Variants in LARP1B observed in about 807,000 individuals in gnomAD.
The protein encoded by LARP1B is la-related protein 1B.
A neutral mutation model predicts 114.2 loss-of-function variants in LARP1B; 76 were observed. That is an observed-to-expected ratio of 0.67 (90% CI 0.55 to 0.81). LARP1B has a LOEUF of 0.81. Among genes scored for constraint, LARP1B ranks in the 30% least tolerant of loss-of-function variants. The pLI, the probability that LARP1B is intolerant of heterozygous loss-of-function variation, is 0.00. For synonymous variants in LARP1B, 345 were observed against 348.0 expected (o/e 0.99, Z 0.10); for missense variants, 1,014 against 1,075.8 (o/e 0.94, Z 0.80).
intron 17 of LARP1B, among the ~76,000 whole-genome samples, chr4:128,201,445 G>C (rs1755903314): frequency 6.6e-6 from 1 of 152,144 alleles, no homozygotes. Context: ...CAGTTCTTAA[G>C]ATTCTTTGAG....
At chr4:128,207,916 G>T (rs1758026856) in intron 19 of LARP1B, among the ~76,000 whole-genome samples, 1 of 152,188 alleles carries the variant, frequency 6.6e-6, no homozygotes, top group Admixed American at 6.5e-5. Flanking sequence ...ATCACCTTTG[G>T]TGGAAGGTTG....
intron 5 of LARP1B, among the ~76,000 whole-genome samples, chr4:128,088,363 A>G (rs545420390): frequency 8.0e-4 from 121 of 152,198 alleles, no homozygotes; most frequent in Non-Finnish European, 1.1e-3. Context: ...TGAAATCGCC[A>G]TGCAATGTGA....
rs564633746 is a variant in LARP1B at position 128,091,078 on chromosome 4, G to A, written c.436G>A (p.Gly146Ser). Residue 146 changes from glycine to serine, a missense_variant, in exon 6 of 20, where the codon GGT becomes AGT. By Grantham distance (56) the Gly-to-Ser change is moderately conservative (BLOSUM62 0). Coordinates refer to ENST00000326639, the MANE Select transcript of LARP1B (RefSeq NM_018078.4). ...GAGAAGTGAGGGTGGTAATATCCGAGGTTCCTTTAGAGGTCGAGGAAGAGG... is the reference window on the plus strand; with the variant it reads ...GAGAAGTGAGGGTGGTAATATCCGAAGTTCCTTTAGAGGTCGAGGAAGAGG... ...SVRSEGGNIRGSFRGRGRGRG... is the reference protein window; with the variant it reads ...SVRSEGGNIRSSFRGRGRGRG... The A allele has an allele frequency of 1.2e-6, 2 of 1,613,884 alleles. No homozygotes were observed. Among genetic ancestry groups the A allele is most frequent in the Non-Finnish European group, 1.7e-6 (2 of 1,179,924 alleles).
intron 15 of LARP1B, among the ~76,000 whole-genome samples, chr4:128,181,306 T>G (rs1748299138): frequency 6.6e-6 from 1 of 151,700 alleles, no homozygotes; most frequent in Non-Finnish European, 1.5e-5. Flanking sequence ...ACCTCCTGAG[T>G]AGCTGGGATT....
chr4:128,155,656 C>T, intron 11 of LARP1B: 1 of 1,556,598 alleles, frequency 6.4e-7, no homozygotes, highest in South Asian at 1.1e-5. Context: ...GGGGCCGCCT[C>T]CAGTGGTGTG....
chr4:128,183,546 T>A (rs1420128266), intron 15 of LARP1B, among the ~76,000 whole-genome samples: 1 of 152,268 alleles, frequency 6.6e-6, no homozygotes, highest in East Asian at 1.9e-4. Flanking sequence ...ACAGTGTACG[T>A]CATCACCCAA....
At chr4:128,116,554 T>A (rs771653611) in intron 10 of LARP1B, among the ~76,000 whole-genome samples, 2 of 152,118 alleles carry the variant, frequency 1.3e-5, no homozygotes, top group Non-Finnish European at 2.9e-5. Context: ...GGTAGCTGGT[T>A]TTAAAAGTAT....
intron 12 of LARP1B, among the ~76,000 whole-genome samples, chr4:128,175,666 G>A (rs923506226): frequency 6.6e-6 from 1 of 152,014 alleles, no homozygotes; most frequent in Non-Finnish European, 1.5e-5. Flanking sequence ...CACTCTAAAT[G>A]TGACTGAGTT....
At chr4:128,064,672 T>G (rs1761729396) in intron 1 of LARP1B, among the ~76,000 whole-genome samples, 1 of 152,204 alleles carries the variant, frequency 6.6e-6, no homozygotes, top group African/African-American at 2.4e-5. Flanking sequence ...CTTCTAGACT[T>G]ACAGACAATT....
chr4:128,096,753 A>G (rs912652931), intron 7 of LARP1B, among the ~76,000 whole-genome samples: 1 of 151,950 alleles, frequency 6.6e-6, no homozygotes, highest in African/African-American at 2.4e-5. Flanking sequence ...GGCGCCTGCC[A>G]CCACACCCGG....
intron 17 of LARP1B, among the ~76,000 whole-genome samples, chr4:128,203,113 G>A (rs1378304508): frequency 6.6e-6 from 1 of 152,080 alleles, no homozygotes. Flanking sequence ...AACTGCTTGA[G>A]CCTGGGAGGA....
At chr4:128,104,409 G>T (rs1156897484) in intron 8 of LARP1B, among the ~76,000 whole-genome samples, 1 of 152,038 alleles carries the variant, frequency 6.6e-6, no homozygotes, top group Non-Finnish European at 1.5e-5. Context: ...TTTTTCCATT[G>T]TATGAATATA....
intron 11 of LARP1B, chr4:128,123,295 A>G: frequency 1.0e-6 from 1 of 985,410 alleles, no homozygotes; most frequent in Non-Finnish European, 1.2e-6. Flanking sequence ...TGCTGTGGGA[A>G]AGGAAGTGTG....
At chr4:128,108,199 T>C (rs1382652120) in intron 9 of LARP1B, 3 of 1,199,884 alleles carry the variant, frequency 2.5e-6, no homozygotes, top group Non-Finnish European at 3.1e-6. Context: ...GGTGGGAAAG[T>C]TAATTATTAT....
At chr4:128,170,820 G>C (rs1276815253) in intron 12 of LARP1B, among the ~76,000 whole-genome samples, 1 of 146,604 alleles carries the variant, frequency 6.8e-6, no homozygotes, top group Non-Finnish European at 1.5e-5. Context: ...TGTAATTATT[G>C]GTATGTTTGG....
chr4:128,093,031 G>GGT (rs1776431951), intron 7 of LARP1B: 1 of 985,264 alleles, frequency 1.0e-6, no homozygotes, highest in African/African-American at 1.7e-5. Context: ...GAGCCTCTAA[G>GGT]GTAGGACTTG....
At chr4:128,184,376 A>G (rs1351904058) in intron 15 of LARP1B, among the ~76,000 whole-genome samples, 1 of 152,208 alleles carries the variant, frequency 6.6e-6, no homozygotes, top group Non-Finnish European at 1.5e-5. Flanking sequence ...CAAAAAGACT[A>G]TGACTTGCTG....
intron 11 of LARP1B, chr4:128,156,322 T>G: frequency 1.5e-6 from 1 of 675,740 alleles, no homozygotes; most frequent in South Asian, 1.8e-5. Context: ...TGCTTCTCCA[T>G]CCCTCTAATG....
At chr4:128,145,994 TA>T (rs1286777077) in intron 11 of LARP1B, among the ~76,000 whole-genome samples, 1 of 152,184 alleles carries the variant, frequency 6.6e-6, no homozygotes, top group Non-Finnish European at 1.5e-5. Context: ...CTATTGGTGT[TA>T]AATTAAATTG....
Sources: allele counts gnomAD v4.1 joint callset (sites outside exome capture counted in the v4.1 genomes callset), GRCh38; gene constraint gnomAD v4.1.1; transcripts MANE v1.5; gene names NCBI Gene and HGNC (gene_info 2026-07-23, HGNC 2026-07-21).